The following BICD1 variants were observed in gnomAD, a reference collection of about 807,000 sequenced individuals.
The protein encoded by BICD1 is protein bicaudal D homolog 1.
In BICD1, 35 loss-of-function variants were observed where a neutral mutation model predicts 92.5. That is an observed-to-expected ratio of 0.38 (90% CI 0.29 to 0.50). The LOEUF (loss-of-function observed/expected upper bound fraction) is 0.50. Among genes scored for constraint, BICD1 ranks in the 20% least tolerant of loss-of-function variants. The pLI is 0.93. For synonymous variants in BICD1, 429 were observed against 465.1 expected (o/e 0.92, Z 1.00); for missense variants, 950 against 1,189.8 (o/e 0.80, Z 2.97).
chr12:32,368,246 C>T (rs1039521303), intron 9 of BICD1, among the ~76,000 whole-genome samples: 5 of 152,046 alleles, frequency 3.3e-5, no homozygotes, highest in African/African-American at 4.8e-5. Context: ...ATAAAATCCC[C>T]GCTACTCAGG....
At chr12:32,296,289 C>T (rs369017061) in intron 3 of BICD1, among the ~76,000 whole-genome samples, 33 of 125,372 alleles carry the variant, frequency 2.6e-4, no homozygotes, top group Middle Eastern at 7.7e-3. Flanking sequence ...GACGGAGTCT[C>T]GCTCCGTCAC....
intron 8 of BICD1, among the ~76,000 whole-genome samples, chr12:32,364,027 T>A (rs1317376323): frequency 7.9e-5 from 12 of 151,860 alleles, no homozygotes; most frequent in Admixed American, 7.2e-4. Flanking sequence ...ATCACCACCA[T>A]CATCACCATC....
At chr12:32,256,563 A>AG in intron 2 of BICD1, among the ~76,000 whole-genome samples, 1 of 152,364 alleles carries the variant, frequency 6.6e-6, no homozygotes, top group South Asian at 2.1e-4. Flanking sequence ...TTAGAAAATG[A>AG]TAAAGAAAAG....
intron 9 of BICD1, among the ~76,000 whole-genome samples, chr12:32,375,063 C>G (rs1229217998): frequency 6.6e-6 from 1 of 150,770 alleles, no homozygotes; most frequent in Non-Finnish European, 1.5e-5. Context: ...GGACTACAGG[C>G]GCCCGCCACC....
intron 1 of BICD1, among the ~76,000 whole-genome samples, chr12:32,184,288 A>T (rs968841009): frequency 1.3e-5 from 2 of 152,116 alleles, no homozygotes; most frequent in East Asian, 3.9e-4. Context: ...TGTATGGAAA[A>T]TAATTGTTTT....
At chr12:32,148,406 C>T (rs555755384) in intron 1 of BICD1, among the ~76,000 whole-genome samples, 1 of 152,304 alleles carries the variant, frequency 6.6e-6, no homozygotes, top group Non-Finnish European at 1.5e-5. Context: ...GTGATTTTCC[C>T]ACTGTCCTTC....
chr12:32,158,095 G>GTTT (rs555722768), intron 1 of BICD1, among the ~76,000 whole-genome samples: 2 of 143,528 alleles, frequency 1.4e-5, no homozygotes, highest in Non-Finnish European at 3.0e-5. Context: ...GAGCCTAGGG[G>GTTT]TTTTTTTTTT....
chr12:32,356,147 T>C (rs1592714874), intron 8 of BICD1, among the ~76,000 whole-genome samples: 1 of 152,164 alleles, frequency 6.6e-6, no homozygotes, highest in African/African-American at 2.4e-5. Flanking sequence ...TCTCACCTGA[T>C]CTTCACGTGA....
At chr12:32,348,350 T>G (rs1335695675) in intron 8 of BICD1, among the ~76,000 whole-genome samples, 2 of 152,224 alleles carry the variant, frequency 1.3e-5, no homozygotes, top group African/African-American at 4.8e-5. Flanking sequence ...CATTATGTAA[T>G]TTTAAAGTCT....
intron 8 of BICD1, among the ~76,000 whole-genome samples, chr12:32,362,827 CTGT>C (rs1939382581): frequency 6.6e-6 from 1 of 151,822 alleles, no homozygotes; most frequent in Admixed American, 6.6e-5. Flanking sequence ...ATGGCAAATT[CTGT>C]GTTTGTTTCT....
intron 1 of BICD1, among the ~76,000 whole-genome samples, chr12:32,123,525 G>A (rs2668292): frequency 0.29 from 43,792 of 152,108 alleles, 6,545 homozygotes; most frequent in Admixed American, 0.43. Context: ...TGTTTAATAG[G>A]TGGTTATGGT....
At chr12:32,166,465 G>T (rs568814702) in intron 1 of BICD1, among the ~76,000 whole-genome samples, 11 of 152,142 alleles carry the variant, frequency 7.2e-5, no homozygotes, top group East Asian at 5.8e-4. Context: ...TGTCACAACT[G>T]GGGGGATGCT....
At chr12:32,236,872 C>CTTTTT (rs57318640) in intron 2 of BICD1, among the ~76,000 whole-genome samples, 17 of 89,294 alleles carry the variant, frequency 1.9e-4, no homozygotes, top group African/African-American at 2.8e-4. Flanking sequence ...AAGTCTAATT[C>CTTTTT]TTTTTTTTTT....
At chr12:32,121,765 G>A (rs975339042) in intron 1 of BICD1, among the ~76,000 whole-genome samples, 4 of 151,464 alleles carry the variant, frequency 2.6e-5, no homozygotes, top group South Asian at 2.1e-4. Flanking sequence ...GAAAACCTAC[G>A]GTTAATGATA....
intron 2 of BICD1, among the ~76,000 whole-genome samples, chr12:32,265,219 G>T (rs1946958868): frequency 6.6e-6 from 1 of 151,990 alleles, no homozygotes. Context: ...GTCTTACAAG[G>T]CCTCGTGTTC....
chr12:32,161,220 G>A lies in BICD1; in HGVS notation c.213+53676G>A, dbSNP rs568862665. ...AAATCATTGCCCATCATAGTGCTGA[G>A]TAGTAATCTCTCCAGGCTGAAAGAT... On this transcript the variant is annotated intron_variant, in intron 1 of 9. Transcript: ENST00000652176. Among the ~76,000 whole-genome samples, 9 of 152,280 alleles carry A rather than the reference G, an allele frequency of 5.9e-5. No homozygotes were observed. In the South Asian group the frequency reaches 1.7e-3, roughly 28 times the overall value.
chr12:32,226,862 C>T (rs1945711764), intron 2 of BICD1, among the ~76,000 whole-genome samples: 1 of 152,270 alleles, frequency 6.6e-6, no homozygotes, highest in African/African-American at 2.4e-5. Context: ...TAACACCCAA[C>T]CCCTGGAGCT....
At chr12:32,121,837 A>T (rs1164798489) in intron 1 of BICD1, among the ~76,000 whole-genome samples, 1 of 146,716 alleles carries the variant, frequency 6.8e-6, no homozygotes, top group African/African-American at 2.5e-5. Flanking sequence ...TTTTTGAGAC[A>T]GGGTCTCACT....
intron 2 of BICD1, among the ~76,000 whole-genome samples, chr12:32,223,566 G>A (rs939544682): frequency 1.3e-5 from 2 of 150,830 alleles, no homozygotes; most frequent in African/African-American, 4.9e-5. Context: ...CTCTGGATTA[G>A]GCTTTGGCTG....
Sources: gnomAD v4.1 joint callset for allele counts (sites outside exome capture counted in the v4.1 genomes callset) on GRCh38, gnomAD v4.1.1 for gene constraint, MANE v1.5 for transcripts, NCBI Gene and HGNC (gene_info 2026-07-23, HGNC 2026-07-21) for gene names.